The following EOLA1 variants were observed in gnomAD, a reference collection of about 807,000 sequenced individuals.
EOLA1 encodes the protein protein EOLA1.
Under a neutral mutation model 4.5 loss-of-function variants are expected in EOLA1, and 1 was observed. The ratio of observed to expected loss-of-function variants is 0.22; its 90% confidence interval spans 0.08 to 1.05. The LOEUF (loss-of-function observed/expected upper bound fraction) is 1.05, where lower values mean the gene tolerates loss of function less well. EOLA1 is among the 50% of genes least tolerant of loss of function. The pLI, the probability that EOLA1 is intolerant of heterozygous loss-of-function variation, is 0.57. For missense variants in EOLA1, 69 were observed against 127.2 expected, an observed-to-expected ratio of 0.54 and a Z score of 2.20; for synonymous variants, 37 against 52.3, an observed-to-expected ratio of 0.71 and a Z score of 1.26.
chrX:149,550,377 A>G (rs1557348647), downstream of EOLA1: 2 of 76,215 alleles, frequency 2.6e-5, no homozygotes, highest in Admixed American at 1.3e-4. Context: ...ACTGCCTTCT[A>G]GGAGATGGTG....
At chrX:149,544,542 G>T in intron 2 of EOLA1, 1 of 751,915 alleles carries the variant, frequency 1.3e-6, no homozygotes, top group Non-Finnish European at 1.6e-6. Flanking sequence ...GTACTGGGCT[G>T]GGTGCTCTTG....
At chrX:149,542,481 C>T (rs782107611) in intron 2 of EOLA1, among the ~76,000 whole-genome samples, 10 of 109,980 alleles carry the variant, frequency 9.1e-5, no homozygotes, top group African/African-American at 3.4e-4. Context: ...GATGGGCGTG[C>T]CAGGCGGCCG....
chrX:149,547,293 A>G lies in EOLA1; in HGVS notation c.*331A>G, dbSNP rs1336749504. 8.7e-6 allele frequency: 5 copies of G among 575,610 alleles called. No individual in the cohort carries two copies. The highest frequency in any genetic ancestry group is 8.8e-6 in the Non-Finnish European group (4 of 452,456). 47.4% of individuals were successfully genotyped at this position (575,610 alleles called of 1,213,427 possible). A position where few individuals can be genotyped will look rare whatever the true frequency, so the allele number is the denominator to read the frequency against. On this transcript the variant is annotated 3_prime_UTR_variant, in exon 5 of 5. Transcript: ENST00000393985. ...CTGCTAGTTTCTGGATTGTACAAAT[A>G]AATGTGTTGTAGATGACTGGTTAGT...
chrX:149,543,633 C>T lies in EOLA1; in HGVS notation c.-163+1548C>T, dbSNP rs782369641. On this transcript the variant is annotated intron_variant, in intron 2 of 4. Coordinates refer to ENST00000393985, the MANE Select transcript of EOLA1 (RefSeq NM_001171907.3). ...GGACACAGTGCCACGGGATGTGGGC[C>T]GCAGATGTGGGAAAGAAAGGCAGGG... 2.5e-3 allele frequency among the ~76,000 whole-genome samples: 222 copies of T among 88,402 alleles called. 22 individuals carry two copies. Among genetic ancestry groups the T allele is most frequent in the African/African-American group, 9.0e-3 (206 of 22,832 alleles). The allele number at this position is 88,402 out of a possible 115,157, so 76.8% of individuals were successfully genotyped here.
Position 149,547,050 on chromosome X carries a change from C to A in EOLA1, c.*88C>A, listed in dbSNP as rs7380. 168 of 1,175,533 alleles carry A rather than the reference C, an allele frequency of 1.4e-4. No individual in the cohort carries two copies. The highest frequency in any genetic ancestry group is 1.3e-3 in the East Asian group (44 of 33,149). ...TGCCATCATGACGCAGACCTGTATA[C>A]ATTAGGTTAAATCTGAATTTCCACT... On this transcript the variant is annotated 3_prime_UTR_variant, in exon 5 of 5. Coordinates refer to ENST00000393985, the MANE Select transcript of EOLA1 (RefSeq NM_001171907.3).
Position 149,545,443 on chromosome X carries a change from C to T in EOLA1, c.-87C>T. 1 of 1,090,749 alleles carries T rather than the reference C, an allele frequency of 9.2e-7. No homozygotes were observed. The highest frequency in any genetic ancestry group is 1.2e-6 in the Non-Finnish European group (1 of 838,506). 89.9% of individuals were successfully genotyped at this position (1,090,749 alleles called of 1,213,427 possible). The stretch of plus-strand genomic sequence containing the variant: ...GAGTCAGCCGAATCCCAGCCCCTTC[C>T]CTTGGGCCTGCTGTGGTGCTGGACA... On this transcript the variant is annotated 5_prime_UTR_variant, in exon 3 of 5. Coordinates refer to ENST00000393985, the MANE Select transcript of EOLA1 (RefSeq NM_001171907.3).
intron 2 of EOLA1, chrX:149,544,437 G>A (rs1285268479): frequency 1.8e-6 from 1 of 568,940 alleles, no homozygotes; most frequent in African/African-American, 2.7e-5. Context: ...AGAGGAGTAG[G>A]GGCAGCTCAA....
chrX:149,541,777 AT>A, intron 1 of EOLA1: 1 of 755,364 alleles, frequency 1.3e-6, no homozygotes, highest in Non-Finnish European at 1.6e-6. Context: ...TGGTGAAATG[AT>A]TTTCTGCCCT....
In EOLA1 at chrX:149,541,700, G is replaced by A. The variant is rs1215768622; in HGVS notation, c.-229-319G>A. 4.7e-6 allele frequency: 3 copies of A among 635,449 alleles called. No individual in the cohort carries two copies. In the African/African-American group the frequency reaches 7.3e-5, roughly 15 times the overall value. 52.4% of individuals were successfully genotyped at this position (635,449 alleles called of 1,213,427 possible). On this transcript the variant is annotated intron_variant, in intron 1 of 4. Coordinates refer to ENST00000393985, the MANE Select transcript of EOLA1 (RefSeq NM_001171907.3). ...TCCCAAACACTCGCCCCGTGACAAT[G>A]GGAGGGGAAGTGTCATTTTTCTCCC...
rs1557346151 is a variant in EOLA1, at chrX:149,541,118, G to A, written c.-455G>A. On this transcript the variant is annotated 5_prime_UTR_variant, in exon 1 of 5. Transcript: ENST00000393985. ...TAGCCAGGCGCTCCCTCTTCTCACA[G>A]CGGCCCACGTCTCCTTGCTTGGGAG... 1 of 112,105 alleles carries A rather than the reference G, an allele frequency of 8.9e-6. No individual in the cohort carries two copies. Among genetic ancestry groups the A allele is most frequent in the Non-Finnish European group, 1.9e-5 (1 of 53,235 alleles). 9.2% of individuals were successfully genotyped at this position (112,105 alleles called of 1,213,427 possible).
chrX:149,544,532 G>T (rs1175023268), intron 2 of EOLA1: 105 of 750,513 alleles, frequency 1.4e-4, no homozygotes, highest in Non-Finnish European at 1.6e-4. Context: ...TAGGTGCCAC[G>T]TACTGGGCTG....
Position 149,545,439 on chromosome X carries a change from C to T in EOLA1, c.-91C>T. 9.2e-7 allele frequency: 1 copy of T among 1,089,621 alleles called. No homozygotes were observed. Among genetic ancestry groups the T allele is most frequent in the Non-Finnish European group, 1.2e-6 (1 of 838,227 alleles). 89.8% of individuals were successfully genotyped at this position (1,089,621 alleles called of 1,213,427 possible). On this transcript the variant is annotated 5_prime_UTR_variant, in exon 3 of 5. Coordinates refer to ENST00000393985, the MANE Select transcript of EOLA1 (RefSeq NM_001171907.3). Reference sequence around the variant, plus strand: ...ACCTGAGTCAGCCGAATCCCAGCCCCTTCCCTTGGGCCTGCTGTGGTGCTG... The same window carrying T: ...ACCTGAGTCAGCCGAATCCCAGCCCTTTCCCTTGGGCCTGCTGTGGTGCTG...
chrX:149,544,944 CAG>C, intron 2 of EOLA1: 1 of 751,199 alleles, frequency 1.3e-6, no homozygotes, highest in Non-Finnish European at 1.6e-6. Flanking sequence ...CAGATTGGGA[CAG>C]GGGCATCTGC....
downstream of EOLA1, among the ~76,000 whole-genome samples, chrX:149,553,914 ACT>A (rs2089914296): frequency 1.1e-5 from 1 of 91,468 alleles, no homozygotes; most frequent in Admixed American, 1.2e-4. Context: ...AGGCCAATTC[ACT>A]CTGACTTCCC....
chrX:149,541,150 G>A lies in EOLA1; in HGVS notation c.-423G>A, dbSNP rs2089720886. The A allele has an allele frequency of 8.9e-6, 1 of 111,882 alleles. No individual in the cohort carries two copies. Among genetic ancestry groups the A allele is most frequent in the Non-Finnish European group, 1.9e-5 (1 of 53,129 alleles). 9.2% of individuals were successfully genotyped at this position (111,882 alleles called of 1,213,427 possible). On this transcript the variant is annotated 5_prime_UTR_variant, in exon 1 of 5. Transcript: ENST00000393985. ...ACGTCTCCTTGCTTGGGAGCCCATC[G>A]TCCTGGCTCCGGTGGCCTCGCTGGG... is the stretch of plus-strand genomic sequence containing the variant.
rs73640673 is a variant in EOLA1, at chrX:149,541,684, C to T, written c.-229-335C>T. The T allele has an allele frequency of 4.6e-3, 2,673 of 575,444 alleles. 51 individuals carry two copies. In the African/African-American group the frequency reaches 0.063, roughly 14 times the overall value. The allele number at this position is 575,444 out of a possible 1,213,427, so 47.4% of individuals were successfully genotyped here. On this transcript the variant is annotated intron_variant, in intron 1 of 4. Coordinates refer to ENST00000393985, the MANE Select transcript of EOLA1 (RefSeq NM_001171907.3). ...ACAATGGGATTTAGAGTCCCAAACA[C>T]TCGCCCCGTGACAATGGGAGGGGAA...
In EOLA1 at chrX:149,542,021, A is replaced by G. The variant is rs1602790503; in HGVS notation, c.-227A>G. 1.3e-6 allele frequency: 1 copy of G among 752,176 alleles called. No homozygotes were observed. Among genetic ancestry groups the G allele is most frequent in the Non-Finnish European group, 1.6e-6 (1 of 636,593 alleles). 62.0% of individuals were successfully genotyped at this position (752,176 alleles called of 1,213,427 possible). On this transcript the variant is annotated splice_region_variant and 5_prime_UTR_variant, in exon 2 of 5. An upstream open reading frame in the 5' UTR loses its in-frame stop. Coordinates refer to ENST00000393985, the MANE Select transcript of EOLA1 (RefSeq NM_001171907.3). ...TCTTTATCTTCCTTGTTGTGCAGGT[A>G]AAGAAGCTAAGTGGAAGAGTGTTTC...
rs1557346177 is a variant in EOLA1 at position 149,541,201 on chromosome X, T to C, written c.-372T>C. 8.9e-6 allele frequency: 1 copy of C among 112,779 alleles called. No homozygotes were observed. Among genetic ancestry groups the C allele is most frequent in the Non-Finnish European group, 1.9e-5 (1 of 53,157 alleles). 9.3% of individuals were successfully genotyped at this position (112,779 alleles called of 1,213,427 possible). A position where few individuals can be genotyped will look rare whatever the true frequency, so the allele number is the denominator to read the frequency against. On this transcript the variant is annotated 5_prime_UTR_variant, in exon 1 of 5. Transcript: ENST00000393985. ...TCTCGGGGAAGCAGAGGACTGTTCA[T>C]TCCTGTGGCGAAAAGCCGGAGTCGG...
chrX:149,549,581 A>G, downstream of EOLA1: 2 of 1,013,098 alleles, frequency 2.0e-6, no homozygotes, highest in Admixed American at 5.0e-5. Flanking sequence ...GTCTTCCTCC[A>G]CAATCGTCCA....
Sources: allele counts gnomAD v4.1 joint callset (sites outside exome capture counted in the v4.1 genomes callset), GRCh38; gene constraint gnomAD v4.1.1; transcripts MANE v1.5; gene names NCBI Gene and HGNC (gene_info 2026-07-23, HGNC 2026-07-21).